CHCHD6: variants seen among roughly 807,000 people sequenced by gnomAD.
The protein encoded by CHCHD6 is coiled-coil-helix-coiled-coil-helix domain containing 6, also known as MICOS complex subunit MIC25.
Under a neutral mutation model 32.3 loss-of-function variants are expected in CHCHD6, and 28 were observed. The ratio of observed to expected loss-of-function variants is 0.87; its 90% CI spans 0.64 to 1.19. The LOEUF (loss-of-function observed/expected upper bound fraction) is 1.19, where lower values mean the gene tolerates loss of function less well. Ranked by LOEUF, CHCHD6 falls within the 50% of genes most tolerant of loss-of-function variation. The probability of loss-of-function intolerance (pLI) is 0.00; values close to 1 mark genes in which losing one functional copy is unlikely to be tolerated. For synonymous variants in CHCHD6, 122 were observed against 117.5 expected (o/e 1.04, Z -0.25); for missense variants, 333 against 307.0 (o/e 1.08, Z -0.63).
chr3:126,726,275 G>A (rs1057154765), intron 1 of CHCHD6, among the ~76,000 whole-genome samples: 28 of 152,166 alleles, frequency 1.8e-4, no homozygotes, highest in Non-Finnish European at 2.6e-4. Context: ...GACAGGGGTC[G>A]GGGAATGGCT....
At chr3:126,719,332 C>T (rs1330497800) in intron 1 of CHCHD6, among the ~76,000 whole-genome samples, 2 of 152,226 alleles carry the variant, frequency 1.3e-5, no homozygotes, top group African/African-American at 4.8e-5. Context: ...GGGCGGGCGT[C>T]TTAACAGGAA....
chr3:126,773,511 T>C (rs979841136), intron 4 of CHCHD6, among the ~76,000 whole-genome samples: 2 of 152,164 alleles, frequency 1.3e-5, no homozygotes, highest in African/African-American at 4.8e-5. Context: ...TCAAGTGGCC[T>C]TTTTCTTTAT....
intron 6 of CHCHD6, among the ~76,000 whole-genome samples, chr3:126,945,176 G>A (rs1344246256): frequency 6.6e-6 from 1 of 152,068 alleles, no homozygotes; most frequent in African/African-American, 2.4e-5. Context: ...GGCGGCTCTT[G>A]TGAGGAGGAC....
intron 4 of CHCHD6, 32 bp from the exon 5 acceptor site, chr3:126,852,614 TG>T: frequency 6.4e-7 from 1 of 1,558,898 alleles, no homozygotes. Context: ...CCATCGCTGC[TG>T]GCTAACGTGG....
At chr3:126,778,875 C>T (rs890705786) in intron 4 of CHCHD6, among the ~76,000 whole-genome samples, 11 of 152,010 alleles carry the variant, frequency 7.2e-5, no homozygotes, top group African/African-American at 2.7e-4. Flanking sequence ...CCACCTCAGC[C>T]TCCTGAGTAG....
chr3:126,882,579 G>A (rs1294513384), intron 5 of CHCHD6, among the ~76,000 whole-genome samples: 1 of 152,120 alleles, frequency 6.6e-6, no homozygotes, highest in African/African-American at 2.4e-5. Context: ...TTTAACACCT[G>A]TTATCGCCAG....
chr3:126,841,060 A>G (rs1941056977), intron 4 of CHCHD6, among the ~76,000 whole-genome samples: 1 of 151,050 alleles, frequency 6.6e-6, no homozygotes, highest in Non-Finnish European at 1.5e-5. Flanking sequence ...TCACCCCACA[A>G]CAGTCCCCAG....
At chr3:126,781,191 T>C (rs1937921792) in intron 4 of CHCHD6, among the ~76,000 whole-genome samples, 1 of 152,014 alleles carries the variant, frequency 6.6e-6, no homozygotes, top group South Asian at 2.1e-4. Flanking sequence ...TGAAGGAAGG[T>C]AGGAGCTTTA....
rs564579637 is a variant in CHCHD6 at position 126,806,548 on chromosome 3, A to G, written c.412-46099A>G. ...GCAATCATTAAAAAGTCAGGAAACA[A>G]CAGGTGCTGGAGAGGATGTGGACAA... On this transcript the variant is annotated intron_variant, in intron 4 of 7. Coordinates refer to ENST00000290913, the MANE Select transcript of CHCHD6 (RefSeq NM_032343.3). Among the ~76,000 whole-genome samples the G allele has an allele frequency of 1.9e-3, 288 of 152,320 alleles. 1 individual carries two copies. The highest frequency in any genetic ancestry group is 5.3e-3 in the African/African-American group (220 of 41,564).
chr3:126,860,464 G>A (rs1361687722), intron 5 of CHCHD6, among the ~76,000 whole-genome samples: 1 of 152,042 alleles, frequency 6.6e-6, no homozygotes, highest in Non-Finnish European at 1.5e-5. Flanking sequence ...GGAAAGGGGG[G>A]AGGGATAGCA....
intron 5 of CHCHD6, among the ~76,000 whole-genome samples, chr3:126,882,591 C>T (rs1044386094): frequency 4.6e-5 from 7 of 152,170 alleles, no homozygotes; most frequent in African/African-American, 1.4e-4. Flanking sequence ...TATCGCCAGG[C>T]CCTATATTAG....
intron 4 of CHCHD6, among the ~76,000 whole-genome samples, chr3:126,805,757 C>G (rs1483258445): frequency 6.6e-6 from 1 of 152,134 alleles, no homozygotes; most frequent in Non-Finnish European, 1.5e-5. Flanking sequence ...GATCCTAAGC[C>G]AAAAGAACAA....
At chr3:126,940,231 G>T (rs1204296955) in intron 6 of CHCHD6, among the ~76,000 whole-genome samples, 1 of 152,160 alleles carries the variant, frequency 6.6e-6, no homozygotes, top group Admixed American at 6.5e-5. Flanking sequence ...GCTTCAGTTT[G>T]GTGACATCAC....
chr3:126,953,390 C>A (rs926845781), intron 6 of CHCHD6, among the ~76,000 whole-genome samples: 1 of 152,154 alleles, frequency 6.6e-6, no homozygotes, highest in African/African-American at 2.4e-5. Flanking sequence ...GAGGGAGGGA[C>A]CCTTTAAGGT....
In CHCHD6 at chr3:126,704,325, G is replaced by T; in HGVS notation, c.13G>T (p.Glu5Ter). The change falls in exon 1 of 8, where the codon GAG becomes TAG. Residue 5 changes from glutamate to a stop codon, truncating the protein, a stop_gained. Coordinates refer to ENST00000290913, the MANE Select transcript of CHCHD6 (RefSeq NM_032343.3). LOFTEE classifies it high-confidence loss of function. ...GCGGCATCTCGCCATGGGGAGCACG[G>T]AGAGCAGCGAGGGCCGCAGGGTGTC... The part of the protein sequence containing the change: MGST[E>*]SSEGRRVSFG... 6.2e-7 allele frequency: 1 copy of T among 1,603,802 alleles called. No homozygotes were observed. Among genetic ancestry groups the T allele is most frequent in the South Asian group, 1.1e-5 (1 of 89,710 alleles).
chr3:126,710,439 C>T (rs1052744024), intron 1 of CHCHD6, among the ~76,000 whole-genome samples: 7 of 152,070 alleles, frequency 4.6e-5, no homozygotes, highest in Non-Finnish European at 8.8e-5. Flanking sequence ...TTTCTGAATA[C>T]GTTTTAGGAT....
chr3:126,943,361 C>T (rs1036182593), intron 6 of CHCHD6, among the ~76,000 whole-genome samples: 10 of 152,174 alleles, frequency 6.6e-5, no homozygotes, highest in African/African-American at 2.4e-4. Flanking sequence ...AGTGTGCCTT[C>T]ACCTCTGCAT....
intron 4 of CHCHD6, among the ~76,000 whole-genome samples, chr3:126,824,583 T>TAAAAAAAA (rs1940307472): frequency 6.2e-5 from 2 of 32,062 alleles, no homozygotes; most frequent in Non-Finnish European, 6.6e-5. Flanking sequence ...AAAAAAAAAG[T>TAAAAAAAA]CAAATGTTGG....
intron 4 of CHCHD6, among the ~76,000 whole-genome samples, chr3:126,751,208 A>G (rs1382872064): frequency 6.6e-6 from 1 of 151,582 alleles, no homozygotes; most frequent in African/African-American, 2.4e-5. Flanking sequence ...TTTCTCACTA[A>G]TAAGAATTTG....
Sources: gnomAD v4.1 joint callset for allele counts (sites outside exome capture counted in the v4.1 genomes callset) on GRCh38, gnomAD v4.1.1 for gene constraint, MANE v1.5 for transcripts, NCBI Gene and HGNC (gene_info 2026-07-23, HGNC 2026-07-21) for gene names.